CERS2: variants seen among roughly 807,000 people sequenced by gnomAD.
The protein encoded by CERS2 is LAG1 homolog, ceramide synthase 2.
A neutral mutation model predicts 56.6 loss-of-function variants in CERS2; 20 were observed. The observed-to-expected ratio is 0.35, with a 90% CI of 0.25 to 0.51. The LOEUF (loss-of-function observed/expected upper bound fraction) is 0.51. Ranked by LOEUF, CERS2 falls within the 20% of genes least tolerant of loss-of-function variation. CERS2 has a pLI of 0.96. For missense variants in CERS2, 361 were observed against 488.6 expected (o/e 0.74, Z 2.46); for synonymous variants, 187 against 175.4 (o/e 1.07, Z -0.52).
rs763673636 is a variant in CERS2, at chr1:150,968,184, C to T, written c.309G>A (p.Leu103=). The change falls in exon 4 of 11, where the codon TTG becomes TTA. Residue 103 remains leucine (L), a synonymous_variant. Transcript: ENST00000368954. ...KQPKQVEVEL[L]SRQSGLSGRQ... ...GGCCAGAGAGCCCGCTCTGCCGGGACAAAAGCTCTACTTCCACCTGGGCAC... is the reference window on the plus strand; with the variant it reads ...GGCCAGAGAGCCCGCTCTGCCGGGATAAAAGCTCTACTTCCACCTGGGCAC... The T allele has an allele frequency of 9.3e-6, 15 of 1,609,380 alleles. No homozygotes were observed. In the East Asian group the frequency reaches 3.1e-4, roughly 33 times the overall value.
intron 6 of CERS2, 25 bp from the exon 7 acceptor site, chr1:150,967,509 G>A (rs781421533): frequency 4.8e-6 from 7 of 1,455,666 alleles, no homozygotes; most frequent in Non-Finnish European, 6.8e-6. Context: ...AGAGGTAAGA[G>A]CAACCAGCCG....
chr1:150,967,803 C>T lies in CERS2; in HGVS notation c.468+17G>A. The T allele has an allele frequency of 6.2e-7, 1 of 1,612,656 alleles. No individual in the cohort carries two copies. The highest frequency in any genetic ancestry group is 8.5e-7 in the Non-Finnish European group (1 of 1,178,642). ...TGCCAGAGAACCTACTCCCACCTCC[C>T]AGTAATCCCCACTCACATCCACAAT... is the stretch of plus-strand genomic sequence containing the variant. On this transcript the variant is annotated intron_variant, in intron 5 of 10. Transcript: ENST00000368954.
intron 1 of CERS2, 22 bp from the exon 2 acceptor site, chr1:150,969,113 G>A (rs1258210614): frequency 6.2e-7 from 1 of 1,610,842 alleles, no homozygotes; most frequent in Non-Finnish European, 8.5e-7. Flanking sequence ...GCAAAGGGGA[G>A]GGCATCAAGA....
chr1:150,968,523 G>A lies in CERS2; in HGVS notation c.174-11C>T, dbSNP rs1311193530. The A allele has an allele frequency of 6.3e-7, 1 of 1,588,428 alleles. No homozygotes were observed. The highest frequency in any genetic ancestry group is 8.6e-7 in the Non-Finnish European group (1 of 1,156,544). ...GGTGTAGCCACGTACCTGGGGAAGG[G>A]ATATGAGTAAGGTATCTAGCTTGCT... is the stretch of plus-strand genomic sequence containing the variant. On this transcript the variant is annotated splice_polypyrimidine_tract_variant and intron_variant, in intron 2 of 10. Transcript: ENST00000368954.
At chr1:150,972,907 C>T (rs755784158) in intron 1 of CERS2, among the ~76,000 whole-genome samples, 9 of 152,130 alleles carry the variant, frequency 5.9e-5, no homozygotes, top group Non-Finnish European at 1.2e-4. Flanking sequence ...TAGATCCAAA[C>T]GGCTGAGAAG....
chr1:150,966,455 A>T (rs778281337), intron 10 of CERS2, 21 bp downstream of exon 10: 5 of 1,613,964 alleles, frequency 3.1e-6, no homozygotes, highest in Non-Finnish European at 4.2e-6. Flanking sequence ...TAAGGCCTAC[A>T]CAATGGGAAC....
chr1:150,967,110 G>T lies in CERS2; in HGVS notation c.705C>A (p.Ile235=). The T allele has an allele frequency of 6.2e-7, 1 of 1,614,094 alleles. No homozygotes were observed. The highest frequency in any genetic ancestry group is 1.1e-5 in the South Asian group (1 of 91,080). Reference sequence around the variant, plus strand: ...AATCGGAAGAGTCATGCAGAGCCATGATTAGAGTCCCAGCTCGGATGTAAT... The same window carrying T: ...AATCGGAAGAGTCATGCAGAGCCATTATTAGAGTCCCAGCTCGGATGTAAT... ...FANYIRAGTL[I]MALHDSSDYL... is the part of the protein sequence containing the mutation. Residue 235 remains isoleucine (I), a synonymous_variant, in exon 8 of 11, where the codon ATC becomes ATA. Transcript: ENST00000368954.
At chr1:150,971,033 G>T (rs1200652627) in intron 1 of CERS2, among the ~76,000 whole-genome samples, 1 of 152,206 alleles carries the variant, frequency 6.6e-6, no homozygotes, top group Non-Finnish European at 1.5e-5. Flanking sequence ...GCTTGAAGCT[G>T]AGAGGAATGG....
intron 4 of CERS2, 95 bp downstream of exon 4, chr1:150,967,988 C>CT (rs1475192717): frequency 2.8e-5 from 39 of 1,389,226 alleles, no homozygotes; most frequent in Non-Finnish European, 3.0e-5. Flanking sequence ...AATTCACCTC[C>CT]TCACATCTCC....
Position 150,967,488 on chromosome 1 carries a change from G to A in CERS2, c.520-4C>T, listed in dbSNP as rs765101077. 17 of 1,558,068 alleles carry A rather than the reference G, an allele frequency of 1.1e-5. 1 individual carries two copies. Among genetic ancestry groups the A allele is most frequent in the East Asian group, 2.2e-5 (1 of 44,612 alleles). On this transcript the variant is annotated splice_region_variant and splice_polypyrimidine_tract_variant and intron_variant, in intron 6 of 10. Transcript: ENST00000368954. The stretch of plus-strand genomic sequence containing the variant: ...AATACTGGGAAGGGATAGTGCTCTG[G>A]GAGAGGAGAGAGAGGTAAGAGCAAC...
chr1:150,969,714 T>C (rs1671129923), intron 1 of CERS2, among the ~76,000 whole-genome samples: 1 of 152,124 alleles, frequency 6.6e-6, no homozygotes, highest in African/African-American at 2.4e-5. Flanking sequence ...TATCTTAACC[T>C]GCAAGACAGG....
rs988081439 is a variant in CERS2 at position 150,974,782 on chromosome 1, GCGCCGC to G, written c.-171_-166del. 2.0e-5 allele frequency: 3 copies of G among 153,222 alleles called. No homozygotes were observed. The highest frequency in any genetic ancestry group is 1.9e-4 in the East Asian group (1 of 5,178). The allele number at this position is 153,222 out of a possible 1,614,324, so 9.5% of individuals were successfully genotyped here. ...GCCCTCCCTCCTCCGCCAGCCGCCG[GCGCCGC>G]CGCCGCCGCCCGCCGAGCCCAGTCG... On this transcript the variant is annotated 5_prime_UTR_variant, in exon 1 of 11. Transcript: ENST00000368954.
At position 150,967,810 on chromosome 1, in the gene CERS2, C is replaced by A. The variant is rs1671066040; in HGVS notation, c.468+10G>T. 5 of 1,612,864 alleles carry A rather than the reference C, an allele frequency of 3.1e-6. No individual in the cohort carries two copies. The highest frequency in any genetic ancestry group is 4.2e-6 in the Non-Finnish European group (5 of 1,178,936). Reference sequence around the variant, plus strand: ...GAACCTACTCCCACCTCCCAGTAATCCCCACTCACATCCACAATGACGGCC... The same window carrying A: ...GAACCTACTCCCACCTCCCAGTAATACCCACTCACATCCACAATGACGGCC... On this transcript the variant is annotated intron_variant, in intron 5 of 10. Coordinates refer to ENST00000368954, the MANE Select transcript of CERS2 (RefSeq NM_022075.5).
chr1:150,967,506 A>G, intron 6 of CERS2, 22 bp from the exon 7 acceptor site: 1 of 1,489,920 alleles, frequency 6.7e-7, no homozygotes. Flanking sequence ...GAGAGAGGTA[A>G]GAGCAACCAG....
rs587652572 is a variant in CERS2 at position 150,972,617 on chromosome 1, G to T, written c.-2+2002C>A. On this transcript the variant is annotated intron_variant, in intron 1 of 10. Transcript: ENST00000368954. ...CTTCTTATGGAGAAAATCACATCTA[G>T]AAACACTTTTCCACCCAGACTTCAC... Among the ~76,000 whole-genome samples the T allele has an allele frequency of 5.9e-5, 9 of 152,290 alleles. No homozygotes were observed. In the South Asian group the frequency reaches 1.5e-3, roughly 25 times the overall value.
chr1:150,972,366 G>A (rs1474312820), intron 1 of CERS2, among the ~76,000 whole-genome samples: 1 of 152,174 alleles, frequency 6.6e-6, no homozygotes, highest in Non-Finnish European at 1.5e-5. Flanking sequence ...TCAACATGAA[G>A]AGAGGGGAGG....
rs1671016775 is a variant in CERS2, at chr1:150,966,392, G to GT, written c.1002+83dup. ...CTGTTATACCCAGGGCTCCACACTA[G>GT]TTTTTTAGAGAGTTACTGGCAAGAT... On this transcript the variant is annotated intron_variant, in intron 10 of 10. Coordinates refer to ENST00000368954, the MANE Select transcript of CERS2 (RefSeq NM_022075.5). 5.0e-6 allele frequency: 8 copies of GT among 1,599,714 alleles called. No homozygotes were observed. The South Asian group carries it at 6.7e-5, about 13-fold the overall frequency.
intron 1 of CERS2, among the ~76,000 whole-genome samples, chr1:150,971,260 G>A (rs1671174050): frequency 6.6e-6 from 1 of 152,240 alleles, no homozygotes; most frequent in Non-Finnish European, 1.5e-5. Flanking sequence ...GTTATCCACA[G>A]TGACCTGGAG....
rs1020681432 is a variant in CERS2, at chr1:150,969,441, G to C, written c.-1-350C>G. On this transcript the variant is annotated intron_variant, in intron 1 of 10. Transcript: ENST00000368954. ...ATACAAAAAACTAGCTGGGTGTGGT[G>C]GCGGGCGCCTATAGTCCCAGCTACT... 1.3e-5 allele frequency: 3 copies of C among 222,386 alleles called. No homozygotes were observed. The Admixed American group carries it at 1.5e-4, about 11-fold the overall frequency. 13.8% of individuals were successfully genotyped at this position (222,386 alleles called of 1,614,324 possible).
Sources: gnomAD v4.1 joint callset for allele counts (sites outside exome capture counted in the v4.1 genomes callset) on GRCh38, gnomAD v4.1.1 for gene constraint, MANE v1.5 for transcripts, NCBI Gene and HGNC (gene_info 2026-07-23, HGNC 2026-07-21) for gene names.